Variants in TCF4 observed in about 807,000 individuals in gnomAD.
TCF4 encodes SL3-3 enhancer factor 2.
In TCF4, 3 loss-of-function variants were observed where a neutral mutation model predicts 82.1. That is an observed-to-expected ratio of 0.04 (90% CI 0.02 to 0.09). TCF4 has a LOEUF of 0.09. Among genes scored for constraint, TCF4 ranks in the 10% least tolerant of loss-of-function variants. The pLI is 1.00. For synonymous variants in TCF4, 276 were observed against 309.6 expected (o/e 0.89, Z 1.14); for missense variants, 518 against 852.7 (o/e 0.61, Z 4.89).
chr18:55,507,353 A>C (rs961344748), intron 3 of TCF4, among the ~76,000 whole-genome samples: 2 of 152,248 alleles, frequency 1.3e-5, no homozygotes, highest in African/African-American at 4.8e-5. Flanking sequence ...ACTTATAGGC[A>C]GGGAGTGTCT....
chr18:55,257,488 G>T, intron 13 of TCF4, 97 bp from the exon 14 acceptor site: 4 of 1,182,512 alleles, frequency 3.4e-6, no homozygotes, highest in South Asian at 2.5e-5. Flanking sequence ...CAATGGCAAT[G>T]ATGATTTTCA....
In TCF4 at chr18:55,464,109, G is replaced by A. The variant is rs2095948155; in HGVS notation, c.174C>T (p.Ser58=). 2 of 1,613,948 alleles carry A rather than the reference G, an allele frequency of 1.2e-6. No homozygotes were observed. The highest frequency in any genetic ancestry group is 4.5e-5 in the East Asian group (2 of 44,880). The stretch of plus-strand genomic sequence containing the variant: ...GGCTTGGATGTCCTCCATTCCCCCA[G>A]GACCCTGAGCTACTTCTGTCTTCTA... ...SNVEDRSSSG[S]WGNGGHPSPS... is the part of the protein sequence containing the mutation. The change falls in exon 4 of 20, where the codon TCC becomes TCT. Residue 58 remains serine (S), a synonymous_variant. Coordinates refer to ENST00000354452, the MANE Select transcript of TCF4 (RefSeq NM_001083962.2).
chr18:55,267,166 C>T (rs1296186702), intron 11 of TCF4: 1 of 152,138 alleles, frequency 6.6e-6, no homozygotes, highest in Non-Finnish European at 1.5e-5. Context: ...CAGTCATTTT[C>T]TACAGAATCG....
At chr18:55,233,044 A>T (rs546856973) in intron 16 of TCF4, among the ~76,000 whole-genome samples, 72 of 152,364 alleles carry the variant, frequency 4.7e-4, no homozygotes, top group African/African-American at 1.6e-3. Context: ...TTAATAGAAA[A>T]ATGTCCTTAA....
chr18:55,261,627 T>C, intron 11 of TCF4, 94 bp from the exon 12 acceptor site: 1 of 1,346,768 alleles, frequency 7.4e-7, no homozygotes, highest in South Asian at 1.2e-5. Context: ...TAATTGCATT[T>C]TTAATGCTAA....
upstream of TCF4, chr18:55,589,558 CTTA>C (rs1018470151): frequency 2.9e-6 from 3 of 1,041,174 alleles, no homozygotes; most frequent in Non-Finnish European, 2.3e-6. Context: ...ACAACTTTTT[CTTA>C]TTGTTTATAA....
In TCF4 at chr18:55,222,212, C is replaced by T. The variant is rs965222534; in HGVS notation, c.*5823G>A. The T allele has an allele frequency of 1.3e-5, 2 of 152,110 alleles. No homozygotes were observed. The highest frequency in any genetic ancestry group is 6.6e-5 in the Admixed American group (1 of 15,264). The allele number at this position is 152,110 out of a possible 1,614,324, so 9.4% of individuals were successfully genotyped here. A position where few individuals can be genotyped will look rare whatever the true frequency, so the allele number is the denominator to read the frequency against. On this transcript the variant is annotated 3_prime_UTR_variant, in exon 20 of 20. Coordinates refer to ENST00000354452, the MANE Select transcript of TCF4 (RefSeq NM_001083962.2). ...AGATTAATGTACCTTTTAATGTGGT[C>T]CTCTAAAAGAGAACAATGTTAATAG...
At chr18:55,302,282 G>T in intron 8 of TCF4, 1 of 767,548 alleles carries the variant, frequency 1.3e-6, no homozygotes, top group Non-Finnish European at 2.1e-6. Context: ...TGAAAGTTCT[G>T]GTGAATGCCA....
intron 3 of TCF4, among the ~76,000 whole-genome samples, chr18:55,477,641 T>G (rs1158691589): frequency 6.6e-6 from 1 of 152,178 alleles, no homozygotes; most frequent in African/African-American, 2.4e-5. Context: ...GCCCAGGACT[T>G]TGCTAGCAGG....
At chr18:55,312,144 A>C (rs921137540) in intron 8 of TCF4, among the ~76,000 whole-genome samples, 1 of 152,238 alleles carries the variant, frequency 6.6e-6, no homozygotes, top group African/African-American at 2.4e-5. Flanking sequence ...CTAACTCGAA[A>C]CAGGAAAATA....
At chr18:55,634,917 G>GT (rs2097734825) in intron 1 of TCF4, among the ~76,000 whole-genome samples, 1 of 152,196 alleles carries the variant, frequency 6.6e-6, no homozygotes, top group South Asian at 2.1e-4. Context: ...AAAGGAAGTC[G>GT]TAAGGGGGTG....
intron 3 of TCF4, among the ~76,000 whole-genome samples, chr18:55,512,658 C>T (rs1001005969): frequency 1.3e-4 from 19 of 151,896 alleles, no homozygotes; most frequent in African/African-American, 4.6e-4. Context: ...TTATCAAAAT[C>T]GAGTGGGAGT....
intron 6 of TCF4, among the ~76,000 whole-genome samples, chr18:55,370,478 C>T (rs144067778): frequency 2.0e-4 from 27 of 136,322 alleles, no homozygotes; most frequent in Non-Finnish European, 3.6e-4. Flanking sequence ...GATAGATAGA[C>T]AGACATATAG....
intron 8 of TCF4, among the ~76,000 whole-genome samples, chr18:55,300,111 C>A (rs968969200): frequency 6.6e-6 from 1 of 151,966 alleles, no homozygotes. Flanking sequence ...CACACACACA[C>A]ACACACACAC....
At chr18:55,604,780 C>G (rs2097700710) in intron 2 of TCF4, among the ~76,000 whole-genome samples, 2 of 152,074 alleles carry the variant, frequency 1.3e-5, no homozygotes, top group Admixed American at 6.5e-5. Flanking sequence ...GGTTGGTGGT[C>G]ATTGGTAATG....
chr18:55,249,806 TA>T (rs1211514987), intron 15 of TCF4, among the ~76,000 whole-genome samples: 1 of 152,138 alleles, frequency 6.6e-6, no homozygotes, highest in East Asian at 1.9e-4. Context: ...TACCAACAAA[TA>T]AACGGGAACA....
At chr18:55,321,825 G>C in intron 8 of TCF4, 1 of 1,498,988 alleles carries the variant, frequency 6.7e-7, no homozygotes. Flanking sequence ...AATTCCTTCA[G>C]TTGCATTTTC....
At chr18:55,540,046 C>CAA (rs5825143) in intron 3 of TCF4, among the ~76,000 whole-genome samples, 9 of 142,938 alleles carry the variant, frequency 6.3e-5, no homozygotes, top group Admixed American at 2.8e-4. Flanking sequence ...AACAGAGATG[C>CAA]AAAAAAAAAA....
chr18:55,480,947 T>C (rs994574111), intron 3 of TCF4, among the ~76,000 whole-genome samples: 3 of 151,800 alleles, frequency 2.0e-5, no homozygotes, highest in Non-Finnish European at 4.4e-5. Flanking sequence ...CTACTAAAAA[T>C]ACAAAAAATT....
Sources: allele counts gnomAD v4.1 joint callset (sites outside exome capture counted in the v4.1 genomes callset), GRCh38; gene constraint gnomAD v4.1.1; transcripts MANE v1.5; gene names NCBI Gene and HGNC (gene_info 2026-07-23, HGNC 2026-07-21).